The following DERA variants were observed in gnomAD, a reference collection of about 807,000 sequenced individuals.
DERA encodes the protein 2-deoxy-D-ribose 5-phosphate aldolase.
Under a neutral mutation model 41.1 loss-of-function variants are expected in DERA, and 15 were observed. The observed-to-expected ratio is 0.37, with a 90% CI of 0.24 to 0.56. The LOEUF is 0.56. Among genes scored for constraint, DERA ranks in the 20% least tolerant of loss-of-function variants. The pLI, the probability that DERA is intolerant of heterozygous loss-of-function variation, is 0.81. For synonymous variants in DERA, 139 were observed against 137.4 expected, an observed-to-expected ratio of 1.01 and a Z score of -0.08; for missense variants, 396 against 403.4, an observed-to-expected ratio of 0.98 and a Z score of 0.16.
intron 6 of DERA, among the ~76,000 whole-genome samples, chr12:15,986,376 CTGTT>C (rs917725719): frequency 3.9e-5 from 6 of 152,164 alleles, no homozygotes; most frequent in Non-Finnish European, 8.8e-5. Flanking sequence ...AAACTTTTTC[CTGTT>C]TGTTTGAATC....
At chr12:16,030,812 G>A (rs1356912318) in intron 6 of DERA, among the ~76,000 whole-genome samples, 1 of 152,174 alleles carries the variant, frequency 6.6e-6, no homozygotes, top group East Asian at 1.9e-4. Flanking sequence ...ATTCCCAGCA[G>A]CTTTAGAGCA....
intron 6 of DERA, among the ~76,000 whole-genome samples, chr12:16,006,960 C>T (rs1235434056): frequency 6.6e-6 from 1 of 152,166 alleles, no homozygotes; most frequent in Non-Finnish European, 1.5e-5. Flanking sequence ...CCTGAAGTGT[C>T]ATGTAACTGC....
Position 15,995,608 on chromosome 12 carries a change from G to T in DERA, c.637+13172G>T, listed in dbSNP as rs1592041034. ...AGATCTTTCTGTTTTCCACCTGATGGAGGAGTAGGAGAGATGTTAAAGCTG... is the reference window on the plus strand; with the variant it reads ...AGATCTTTCTGTTTTCCACCTGATGTAGGAGTAGGAGAGATGTTAAAGCTG... On this transcript the variant is annotated intron_variant, in intron 6 of 8. Coordinates refer to ENST00000428559, the MANE Select transcript of DERA (RefSeq NM_015954.4). This position sits in a 1 kb window ranked among gnomAD's most constrained non-coding sequence, Gnocchi z 5.1. Among the ~76,000 whole-genome samples, 1 of 152,162 alleles carries T rather than the reference G, an allele frequency of 6.6e-6. No individual in the cohort carries two copies. Among genetic ancestry groups the T allele is most frequent in the East Asian group, 1.9e-4 (1 of 5,192 alleles).
chr12:15,982,553 G>T lies in DERA; in HGVS notation c.637+117G>T, dbSNP rs1005550812. On this transcript the variant is annotated intron_variant, in intron 6 of 8. Transcript: ENST00000428559. This position sits in a 1 kb window ranked among gnomAD's most constrained non-coding sequence, Gnocchi z 4.0. ...TGCTAACCACTTGGAATTTTTTTGC[G>T]GGAGGAATCGGATATTTTGTAAAAA... 2 of 1,056,904 alleles carry T rather than the reference G, an allele frequency of 1.9e-6. No individual in the cohort carries two copies. Among genetic ancestry groups the T allele is most frequent in the Non-Finnish European group, 2.7e-6 (2 of 740,264 alleles). 65.5% of individuals were successfully genotyped at this position (1,056,904 alleles called of 1,614,324 possible). A position where few individuals can be genotyped will look rare whatever the true frequency, so the allele number is the denominator to read the frequency against.
At chr12:16,032,480 G>T in intron 6 of DERA, 62 bp from the exon 7 acceptor site, 1 of 940,496 alleles carries the variant, frequency 1.1e-6, no homozygotes, top group South Asian at 1.9e-5. Flanking sequence ...TTCTCCCACT[G>T]ACTCAAAAGT....
At position 15,972,866 on chromosome 12, in the gene DERA, C is replaced by T. The variant is rs539444092; in HGVS notation, c.509-9442C>T. 5.3e-5 allele frequency among the ~76,000 whole-genome samples: 8 copies of T among 152,246 alleles called. 1 individual carries two copies. The highest frequency in any genetic ancestry group is 1.3e-4 in the Admixed American group (2 of 15,290). On this transcript the variant is annotated intron_variant, in intron 5 of 8. Transcript: ENST00000428559. This position sits in a 1 kb window ranked among gnomAD's most constrained non-coding sequence, Gnocchi z 4.4. Reference sequence around the variant, plus strand: ...TAAATAAAGAAAACTAAAATGCTATCGATGCAAGTTCCTGCTGGCGTGCGG... The same window carrying T: ...TAAATAAAGAAAACTAAAATGCTATTGATGCAAGTTCCTGCTGGCGTGCGG...
chr12:15,955,748 G>A (rs989066264), intron 1 of DERA, among the ~76,000 whole-genome samples: 1 of 152,152 alleles, frequency 6.6e-6, no homozygotes, highest in Non-Finnish European at 1.5e-5. Context: ...GTGAGAGAAA[G>A]AATGTCATCT....
At chr12:15,953,345 G>A (rs1948512927) in intron 1 of DERA, among the ~76,000 whole-genome samples, 1 of 152,144 alleles carries the variant, frequency 6.6e-6, no homozygotes, top group Non-Finnish European at 1.5e-5. Flanking sequence ...TAGGAATACT[G>A]TGAAAAATAC....
rs887703240 is a variant in DERA, at chr12:15,982,536, A to C, written c.637+100A>C. On this transcript the variant is annotated intron_variant, in intron 6 of 8. Transcript: ENST00000428559. The surrounding 1 kb of genome is among the most constrained non-coding windows in gnomAD (Gnocchi z 4.0). Reference sequence around the variant, plus strand: ...TTAGCTATTATTAAACGTGCTAACCACTTGGAATTTTTTTGCGGGAGGAAT... The same window carrying C: ...TTAGCTATTATTAAACGTGCTAACCCCTTGGAATTTTTTTGCGGGAGGAAT... 7 of 1,327,662 alleles carry C rather than the reference A, an allele frequency of 5.3e-6. No individual in the cohort carries two copies. In the African/African-American group the frequency reaches 7.4e-5, roughly 14 times the overall value. 82.2% of individuals were successfully genotyped at this position (1,327,662 alleles called of 1,614,324 possible).
At chr12:15,914,646 G>C (rs1183426722) in intron 1 of DERA, among the ~76,000 whole-genome samples, 1 of 152,160 alleles carries the variant, frequency 6.6e-6, no homozygotes, top group Non-Finnish European at 1.5e-5. Flanking sequence ...TGTTATCTTT[G>C]GAGGCGTCTG....
rs1212228424 is a variant in DERA at position 15,999,353 on chromosome 12, C to T, written c.637+16917C>T. ...CCTGGCCTTAAAAAAGTGACATTAT[C>T]TCTTAGTGTGGTGAAGAAGTGAAAA... On this transcript the variant is annotated intron_variant, in intron 6 of 8. Transcript: ENST00000428559. The surrounding 1 kb of genome is among the most constrained non-coding windows in gnomAD (Gnocchi z 5.3). Among the ~76,000 whole-genome samples the T allele has an allele frequency of 6.6e-6, 1 of 152,168 alleles. No homozygotes were observed. Among genetic ancestry groups the T allele is most frequent in the East Asian group, 1.9e-4 (1 of 5,196 alleles).
rs1022143285 is a variant in DERA at position 15,983,366 on chromosome 12, A to G, written c.637+930A>G. Among the ~76,000 whole-genome samples the G allele has an allele frequency of 6.6e-6, 1 of 152,154 alleles. No individual in the cohort carries two copies. The highest frequency in any genetic ancestry group is 1.5e-5 in the Non-Finnish European group (1 of 68,028). On this transcript the variant is annotated intron_variant, in intron 6 of 8. Coordinates refer to ENST00000428559, the MANE Select transcript of DERA (RefSeq NM_015954.4). This position sits in a 1 kb window ranked among gnomAD's most constrained non-coding sequence, Gnocchi z 6.2. ...TCCCTTCACACCATGTTCTCCAGCC[A>G]GGTAGAGTTACTTGCACTTCTCTGC... is the stretch of plus-strand genomic sequence containing the variant.
chr12:15,949,461 A>ATGGGC (rs1948479285), intron 1 of DERA, among the ~76,000 whole-genome samples: 3 of 92,744 alleles, frequency 3.2e-5, no homozygotes, highest in Admixed American at 2.9e-4. Flanking sequence ...CTGTGCTAGC[A>ATGGGC]ATGAGCAAGG....
intron 1 of DERA, among the ~76,000 whole-genome samples, chr12:15,948,721 G>A (rs1948471599): frequency 6.6e-6 from 1 of 152,184 alleles, no homozygotes; most frequent in Non-Finnish European, 1.5e-5. Flanking sequence ...TCTCTGTCCA[G>A]CTTTGTTCTG....
chr12:16,028,069 T>C (rs1183290940), intron 6 of DERA, among the ~76,000 whole-genome samples: 1 of 152,200 alleles, frequency 6.6e-6, no homozygotes, highest in Non-Finnish European at 1.5e-5. Flanking sequence ...CTAGGAGAGC[T>C]AAAAGCAAGA....
rs970030257 is a variant in DERA at position 15,985,885 on chromosome 12, T to C, written c.637+3449T>C. ...TGTCAGATCGAATTGGTTGATAATG[T>C]TTTTCAGATCTAGTTTTGTTTTCTT... is the stretch of plus-strand genomic sequence containing the variant. On this transcript the variant is annotated intron_variant, in intron 6 of 8. Transcript: ENST00000428559. This position sits in a 1 kb window ranked among gnomAD's most constrained non-coding sequence, Gnocchi z 4.2. 3.3e-5 allele frequency among the ~76,000 whole-genome samples: 5 copies of C among 152,176 alleles called. No individual in the cohort carries two copies. The highest frequency in any genetic ancestry group is 7.2e-5 in the African/African-American group (3 of 41,458).
At chr12:15,975,313 T>G (rs1480459376) in intron 5 of DERA, among the ~76,000 whole-genome samples, 1 of 152,086 alleles carries the variant, frequency 6.6e-6, no homozygotes, top group Non-Finnish European at 1.5e-5. Context: ...TGTCCTCTTG[T>G]GCTGAATTAG....
intron 5 of DERA, among the ~76,000 whole-genome samples, chr12:15,978,164 G>A (rs1012375825): frequency 1.1e-4 from 16 of 152,186 alleles, no homozygotes; most frequent in Non-Finnish European, 1.8e-4. Context: ...AAGCCACTTT[G>A]ATTAGCATAT....
chr12:15,923,509 G>A (rs1948260852), intron 1 of DERA, among the ~76,000 whole-genome samples: 1 of 152,014 alleles, frequency 6.6e-6, no homozygotes, highest in African/African-American at 2.4e-5. Flanking sequence ...GGCTTTCAAG[G>A]CTCTGAATTC....
Sources: allele counts gnomAD v4.1 joint callset (sites outside exome capture counted in the v4.1 genomes callset), GRCh38; gene constraint gnomAD v4.1.1; non-coding constraint Gnocchi (gnomAD v3.1); transcripts MANE v1.5; gene names NCBI Gene and HGNC (gene_info 2026-07-23, HGNC 2026-07-21).